PDZRN3: variants seen among roughly 807,000 people sequenced by gnomAD.
PDZRN3 encodes E3 ubiquitin-protein ligase PDZRN3.
In PDZRN3, 38 loss-of-function variants were observed where a neutral mutation model predicts 85.7. The observed-to-expected ratio is 0.44, with a 90% confidence interval of 0.34 to 0.58. The LOEUF (loss-of-function observed/expected upper bound fraction) is 0.58. Ranked by LOEUF, PDZRN3 falls within the 20% of genes least tolerant of loss-of-function variation. The pLI, the probability that PDZRN3 is intolerant of heterozygous loss-of-function variation, is 0.01. For missense variants in PDZRN3, 1,629 were observed against 1,506.4 expected, an observed-to-expected ratio of 1.08 and a Z score of -1.35; for synonymous variants, 759 against 638.0, an observed-to-expected ratio of 1.19 and a Z score of -2.86.
In PDZRN3 at chr3:73,388,083, A is replaced by AAAACC; in HGVS notation, c.1417-15_1417-14insGGTTT. On this transcript the variant is annotated splice_polypyrimidine_tract_variant and intron_variant, in intron 7 of 9. Transcript: ENST00000263666. Reference sequence around the variant, plus strand: ...TATCCCATTAATCTTTTAAAAAAAAAGGGGGGGTGGGGAGAGTGGGGAGAC... The same window carrying AAAACC: ...TATCCCATTAATCTTTTAAAAAAAAAAAACCGGGGGGGTGGGGAGAGTGGGGAGAC... 2 of 908,176 alleles carry AAAACC rather than the reference A, an allele frequency of 2.2e-6. No individual in the cohort carries two copies. Among genetic ancestry groups the AAAACC allele is most frequent in the Non-Finnish European group, 3.4e-6 (2 of 588,934 alleles). The allele number at this position is 908,176 out of a possible 1,614,324, so 56.3% of individuals were successfully genotyped here.
chr3:73,577,866 C>T (rs1702147490), intron 3 of PDZRN3, among the ~76,000 whole-genome samples: 1 of 152,226 alleles, frequency 6.6e-6, no homozygotes, highest in South Asian at 2.1e-4. Context: ...CCAGATCTAG[C>T]CCAAAGCCTC....
chr3:73,383,227 T>C lies in PDZRN3; in HGVS notation c.*138A>G. 1 of 741,332 alleles carries C rather than the reference T, an allele frequency of 1.3e-6. No homozygotes were observed. The highest frequency in any genetic ancestry group is 2.5e-5 in the East Asian group (1 of 39,482). The allele number at this position is 741,332 out of a possible 1,614,324, so 45.9% of individuals were successfully genotyped here. ...AAAATAGACCTATGACACCCAGAGT[T>C]GTAGGGTTTGCAAATTTGGACTATA... is the stretch of plus-strand genomic sequence containing the variant. On this transcript the variant is annotated 3_prime_UTR_variant, in exon 10 of 10. Coordinates refer to ENST00000263666, the MANE Select transcript of PDZRN3 (RefSeq NM_015009.3).
chr3:73,505,656 CTTG>C (rs561567269), intron 3 of PDZRN3, among the ~76,000 whole-genome samples: 133 of 152,062 alleles, frequency 8.7e-4, no homozygotes, highest in Admixed American at 1.4e-3. Flanking sequence ...TACTAAGTAA[CTTG>C]TTTATTAAAG....
chr3:73,493,651 C>T lies in PDZRN3; in HGVS notation c.919-89256G>A, dbSNP rs1703816889. On this transcript the variant is annotated intron_variant, in intron 3 of 9. Transcript: ENST00000263666. The stretch of plus-strand genomic sequence containing the variant: ...CATTTCCACTAGGGCAGCCATCCCT[C>T]CTCTCCTTCTCTCAACAGGGTTCCA... Among the ~76,000 whole-genome samples, 3 of 152,202 alleles carry T rather than the reference C, an allele frequency of 2.0e-5. No homozygotes were observed. In the South Asian group the frequency reaches 6.2e-4, roughly 32 times the overall value.
At chr3:73,447,968 A>G (rs906193108) in intron 3 of PDZRN3, among the ~76,000 whole-genome samples, 3 of 152,170 alleles carry the variant, frequency 2.0e-5, no homozygotes, top group Non-Finnish European at 4.4e-5. Context: ...TATGCCCTAA[A>G]TATCATAGCT....
At chr3:73,411,961 C>G (rs1262124636) in intron 3 of PDZRN3, among the ~76,000 whole-genome samples, 1 of 152,216 alleles carries the variant, frequency 6.6e-6, no homozygotes, top group East Asian at 1.9e-4. Flanking sequence ...AGTACAGCTA[C>G]TATCACTGTT....
At chr3:73,443,501 G>A (rs1872952) in intron 3 of PDZRN3, among the ~76,000 whole-genome samples, 100,957 of 127,700 alleles carry the variant, frequency 0.79, 39,269 homozygotes, top group East Asian at 0.91. Context: ...TTTTTTTTGG[G>A]GGGGGGACAG....
At chr3:73,549,388 C>T (rs1229988999) in intron 3 of PDZRN3, among the ~76,000 whole-genome samples, 1 of 152,144 alleles carries the variant, frequency 6.6e-6, no homozygotes, top group African/African-American at 2.4e-5. Context: ...AAGAGTGAAT[C>T]AAGCTGCCCT....
At chr3:73,424,367 C>CAAAAAAAAAAAAA (rs66466551) in intron 3 of PDZRN3, among the ~76,000 whole-genome samples, 5 of 54,854 alleles carry the variant, frequency 9.1e-5, no homozygotes, top group African/African-American at 3.0e-4. Context: ...CCGTCTCTAC[C>CAAAAAAAAAAAAA]AAAAAAAAAA....
rs959150306 is a variant in PDZRN3, at chr3:73,524,994, T to C, written c.918+77360A>G. ...TGAAAATCACAGATATAAGAAATTA[T>C]AAATTTATAATAAAATATATATGTA... On this transcript the variant is annotated intron_variant, in intron 3 of 9. Transcript: ENST00000263666. Among the ~76,000 whole-genome samples, 5 of 148,824 alleles carry C rather than the reference T, an allele frequency of 3.4e-5. No individual in the cohort carries two copies. The East Asian group carries it at 7.8e-4, about 23-fold the overall frequency.
intron 3 of PDZRN3, among the ~76,000 whole-genome samples, chr3:73,587,662 G>T (rs1345922018): frequency 6.6e-6 from 1 of 152,136 alleles, no homozygotes; most frequent in Non-Finnish European, 1.5e-5. Flanking sequence ...AATCTCCAAG[G>T]ACTCTTTCTT....
intron 3 of PDZRN3, among the ~76,000 whole-genome samples, chr3:73,558,075 G>GT (rs935007180): frequency 7.6e-5 from 11 of 145,160 alleles, no homozygotes; most frequent in Admixed American, 2.7e-4. Context: ...TTTAATATAT[G>GT]TTTTTTTTCT....
chr3:73,560,515 A>G (rs1249241162), intron 3 of PDZRN3, among the ~76,000 whole-genome samples: 2 of 152,194 alleles, frequency 1.3e-5, no homozygotes, highest in Non-Finnish European at 2.9e-5. Context: ...AGAACCGGGA[A>G]ATCATTTAAA....
chr3:73,488,419 A>G (rs563601192), intron 3 of PDZRN3, among the ~76,000 whole-genome samples: 73 of 152,142 alleles, frequency 4.8e-4, no homozygotes, highest in Non-Finnish European at 9.4e-4. Context: ...AGTTTTTCCA[A>G]TGAGCCAGGT....
chr3:73,592,956 C>T (rs78961253), intron 3 of PDZRN3, among the ~76,000 whole-genome samples: 437 of 152,296 alleles, frequency 2.9e-3, no homozygotes, highest in African/African-American at 0.01. Flanking sequence ...AAGCGTTCCC[C>T]TAGCGCTCGC....
chr3:73,402,085 G>A (rs1701759955), intron 4 of PDZRN3, among the ~76,000 whole-genome samples: 1 of 152,200 alleles, frequency 6.6e-6, no homozygotes, highest in Admixed American at 6.5e-5. Flanking sequence ...TCCCCATTCA[G>A]TCCCGACACA....
intron 3 of PDZRN3, among the ~76,000 whole-genome samples, chr3:73,571,150 C>A (rs534568443): frequency 6.6e-6 from 1 of 152,334 alleles, no homozygotes; most frequent in South Asian, 2.1e-4. Context: ...TTTCAGTCAA[C>A]AACATACAAT....
chr3:73,383,359 T>G lies in PDZRN3; in HGVS notation c.*6A>C. ...CTCCTTTATGTACATAATGCAGAAGTGAAAATTATACAGTAGTCACCGATA... is the reference window on the plus strand; with the variant it reads ...CTCCTTTATGTACATAATGCAGAAGGGAAAATTATACAGTAGTCACCGATA... On this transcript the variant is annotated 3_prime_UTR_variant, in exon 10 of 10. Transcript: ENST00000263666. The G allele has an allele frequency of 6.3e-7, 1 of 1,593,678 alleles. No homozygotes were observed. Among genetic ancestry groups the G allele is most frequent in the South Asian group, 1.2e-5 (1 of 86,682 alleles).
chr3:73,624,885 AGGCGGCCCAGACAGGCC>A lies in PDZRN3; in HGVS notation c.-77_-61del. The A allele has an allele frequency of 4.0e-6, 5 of 1,247,082 alleles. No homozygotes were observed. The highest frequency in any genetic ancestry group is 5.0e-6 in the Non-Finnish European group (5 of 992,922). The allele number at this position is 1,247,082 out of a possible 1,614,324, so 77.3% of individuals were successfully genotyped here. Reference sequence around the variant, plus strand: ...GCCGGGCGCCCCCTCCCTCCCCACGAGGCGGCCCAGACAGGCCGGCTACGCCGCCCGCGCGCTCGCTG... The same window carrying A: ...GCCGGGCGCCCCCTCCCTCCCCACGAGGCTACGCCGCCCGCGCGCTCGCTG... On this transcript the variant is annotated 5_prime_UTR_variant, in exon 1 of 10. Coordinates refer to ENST00000263666, the MANE Select transcript of PDZRN3 (RefSeq NM_015009.3).
Sources: gnomAD v4.1 joint callset for allele counts (sites outside exome capture counted in the v4.1 genomes callset) on GRCh38, gnomAD v4.1.1 for gene constraint, MANE v1.5 for transcripts, NCBI Gene and HGNC (gene_info 2026-07-23, HGNC 2026-07-21) for gene names.